The following CLIC4 variants were observed in gnomAD, a reference collection of about 807,000 sequenced individuals.
CLIC4 encodes the protein CLIC family member 4, also known as chloride intracellular channel protein 4.
CLIC4 carries 13 observed loss-of-function variants against 24.6 expected under a neutral mutation model. That is an observed-to-expected ratio of 0.53 (90% CI 0.34 to 0.84). The LOEUF (loss-of-function observed/expected upper bound fraction) is 0.84. CLIC4 is among the 40% of genes least tolerant of loss of function. The probability of loss-of-function intolerance (pLI) is 0.01; values close to 1 mark genes in which losing one functional copy is unlikely to be tolerated. For missense variants in CLIC4, 227 were observed against 301.7 expected, an observed-to-expected ratio of 0.75 and a Z score of 1.83; for synonymous variants, 104 against 111.3, an observed-to-expected ratio of 0.93 and a Z score of 0.41.
intron 2 of CLIC4, among the ~76,000 whole-genome samples, chr1:24,801,316 C>A (rs181934736): frequency 2.2e-3 from 329 of 152,168 alleles, no homozygotes; most frequent in Non-Finnish European, 3.7e-3. Flanking sequence ...AGGAGACTTA[C>A]AAGTATGATA....
intron 1 of CLIC4, among the ~76,000 whole-genome samples, chr1:24,778,717 T>G (rs1196039780): frequency 1.3e-5 from 2 of 152,230 alleles, no homozygotes; most frequent in African/African-American, 4.8e-5. Context: ...TTGTTCCTCC[T>G]TTTAGGCTTT....
intron 1 of CLIC4, among the ~76,000 whole-genome samples, chr1:24,781,081 C>T (rs1475353431): frequency 7.5e-6 from 1 of 132,740 alleles, no homozygotes; most frequent in Admixed American, 7.9e-5. Context: ...GAGTGAAACT[C>T]CATCTCAAAA....
At chr1:24,762,602 G>A (rs1638942858) in intron 1 of CLIC4, among the ~76,000 whole-genome samples, 1 of 152,172 alleles carries the variant, frequency 6.6e-6, no homozygotes, top group Non-Finnish European at 1.5e-5. Flanking sequence ...AACTACTAGA[G>A]TGAGGTAGGA....
chr1:24,758,459 A>T (rs1005823619), intron 1 of CLIC4, among the ~76,000 whole-genome samples: 5 of 151,244 alleles, frequency 3.3e-5, no homozygotes, highest in African/African-American at 1.2e-4. Context: ...CCACACCCAG[A>T]TAATTTTTTT....
intron 2 of CLIC4, among the ~76,000 whole-genome samples, chr1:24,807,629 T>TG (rs1254356036): frequency 6.6e-6 from 1 of 152,144 alleles, no homozygotes; most frequent in Non-Finnish European, 1.5e-5. Context: ...TGAGTCAGGG[T>TG]GGAGCAGGTA....
In CLIC4 at chr1:24,839,992, A is replaced by G. The variant is rs1352500165; in HGVS notation, c.548A>G (p.Glu183Gly). Residue 183 changes from glutamate (E) to glycine (G), a missense_variant, in exon 5 of 6, where the codon GAA becomes GGA. By Grantham distance (98) the Glu-to-Gly change is moderately conservative (BLOSUM62 -2). Coordinates refer to ENST00000374379, the MANE Select transcript of CLIC4 (RefSeq NM_013943.3). ...FSTRKFLDGN[E>G]MTLADCNLLP... ...ACACGTAAATTTCTGGATGGCAATG[A>G]AATGACATTAGCTGATTGCAACCTG... is the stretch of plus-strand genomic sequence containing the variant. 5.6e-6 allele frequency: 9 copies of G among 1,614,176 alleles called. No homozygotes were observed. The highest frequency in any genetic ancestry group is 1.7e-5 in the Admixed American group (1 of 60,024).
Position 24,753,977 on chromosome 1 carries a change from T to C in CLIC4, c.72+8352T>C, listed in dbSNP as rs149686985. On this transcript the variant is annotated intron_variant, in intron 1 of 5. Transcript: ENST00000374379. ...TGGTAATTAACAAAAGCTAACTCAA[T>C]ATTCAGACAATATTACCTTGAATCT... Among the ~76,000 whole-genome samples the C allele has an allele frequency of 9.8e-5, 15 of 152,358 alleles. No individual in the cohort carries two copies. The East Asian group carries it at 1.9e-3, about 20-fold the overall frequency.
At chr1:24,797,123 TTTTTA>T (rs1446349190) in intron 1 of CLIC4, among the ~76,000 whole-genome samples, 2 of 149,170 alleles carry the variant, frequency 1.3e-5, no homozygotes, top group Admixed American at 6.6e-5. Context: ...CTGGCTAATT[TTTTTA>T]TTTTTAGTAG....
At chr1:24,761,969 A>G (rs769626889) in intron 1 of CLIC4, among the ~76,000 whole-genome samples, 6 of 152,198 alleles carry the variant, frequency 3.9e-5, no homozygotes, top group Non-Finnish European at 7.3e-5. Flanking sequence ...CTTGTTGAGT[A>G]TAAGATGGCT....
At chr1:24,776,429 C>A (rs1474773104) in intron 1 of CLIC4, among the ~76,000 whole-genome samples, 9 of 152,112 alleles carry the variant, frequency 5.9e-5, no homozygotes, top group Admixed American at 2.0e-4. Context: ...GTGTTTTTGT[C>A]TGGAAGTTAT....
At chr1:24,785,095 T>C (rs1639251922) in intron 1 of CLIC4, among the ~76,000 whole-genome samples, 1 of 151,774 alleles carries the variant, frequency 6.6e-6, no homozygotes, top group African/African-American at 2.4e-5. Flanking sequence ...TTTTTTTTTT[T>C]TTTAAAGCAT....
chr1:24,797,692 T>C, intron 1 of CLIC4, 50 bp from the exon 2 acceptor site: 1 of 1,289,160 alleles, frequency 7.8e-7, no homozygotes, highest in Non-Finnish European at 1.1e-6. Flanking sequence ...TATGTCATGT[T>C]GAGTATCATC....
At chr1:24,786,768 C>A (rs936224707) in intron 1 of CLIC4, among the ~76,000 whole-genome samples, 11 of 152,060 alleles carry the variant, frequency 7.2e-5, no homozygotes, top group Non-Finnish European at 1.6e-4. Flanking sequence ...CAGGCACCCA[C>A]CACCACACCC....
intron 1 of CLIC4, among the ~76,000 whole-genome samples, chr1:24,774,778 G>GA (rs934297579): frequency 1.0e-4 from 15 of 149,500 alleles, no homozygotes; most frequent in Admixed American, 6.7e-4. Flanking sequence ...GACCTTGTCT[G>GA]AAAAAAAAAG....
chr1:24,802,025 A>G (rs1639495648), intron 2 of CLIC4, among the ~76,000 whole-genome samples: 1 of 152,200 alleles, frequency 6.6e-6, no homozygotes, highest in African/African-American at 2.4e-5. Context: ...ACTCCTAAAA[A>G]TAGAGTGTGC....
chr1:24,754,738 C>A (rs1004153513), intron 1 of CLIC4, among the ~76,000 whole-genome samples: 1 of 151,984 alleles, frequency 6.6e-6, no homozygotes, highest in Non-Finnish European at 1.5e-5. Flanking sequence ...CCTCTTATCT[C>A]TCAGTGGTCA....
chr1:24,810,753 A>C (rs1291356613), intron 2 of CLIC4, among the ~76,000 whole-genome samples: 3 of 151,222 alleles, frequency 2.0e-5, no homozygotes, highest in Non-Finnish European at 4.4e-5. Flanking sequence ...TGCTTTGGTG[A>C]CTGGTCTCAA....
chr1:24,840,459 C>A (rs1299337701), intron 5 of CLIC4, among the ~76,000 whole-genome samples: 1 of 152,078 alleles, frequency 6.6e-6, no homozygotes, highest in African/African-American at 2.4e-5. Flanking sequence ...AAATAAAGAC[C>A]TAAGATAACA....
chr1:24,788,256 C>G (rs1222621129), intron 1 of CLIC4, among the ~76,000 whole-genome samples: 1 of 152,138 alleles, frequency 6.6e-6, no homozygotes, highest in East Asian at 1.9e-4. Context: ...TCCCAAAGTG[C>G]TGGGATTATA....
Sources: allele counts gnomAD v4.1 joint callset (sites outside exome capture counted in the v4.1 genomes callset), GRCh38; gene constraint gnomAD v4.1.1; transcripts MANE v1.5; gene names NCBI Gene and HGNC (gene_info 2026-07-23, HGNC 2026-07-21).